Variants in EARS2 observed in about 807,000 individuals in gnomAD.
EARS2 encodes nondiscriminating glutamyl-tRNA synthetase EARS2, mitochondrial.
EARS2 carries 50 observed loss-of-function variants against 54.1 expected under a neutral mutation model. The observed-to-expected ratio is 0.92, with a 90% confidence interval of 0.74 to 1.17. The LOEUF (loss-of-function observed/expected upper bound fraction) is 1.17, where lower values mean the gene tolerates loss of function less well. EARS2 is among the 50% of genes most tolerant of loss of function. The probability of loss-of-function intolerance (pLI) is 0.00; values close to 1 mark genes in which losing one functional copy is unlikely to be tolerated. For missense variants in EARS2, 673 were observed against 675.0 expected (o/e 1.00, Z 0.03); for synonymous variants, 298 against 281.0 (o/e 1.06, Z -0.61).
At chr16:23,547,430 G>A (rs1557686) in intron 2 of EARS2, among the ~76,000 whole-genome samples, 130,321 of 152,190 alleles carry the variant, frequency 0.86, 55,985 homozygotes, top group Middle Eastern at 0.91. Flanking sequence ...TGACGGTTGC[G>A]CAACACAGTA....
intron 3 of EARS2, among the ~76,000 whole-genome samples, chr16:23,538,927 T>G (rs1057124825): frequency 1.3e-5 from 2 of 151,396 alleles, no homozygotes; most frequent in African/African-American, 4.9e-5. Context: ...CCACCTAATG[T>G]AAAATAAAAC....
intron 4 of EARS2, among the ~76,000 whole-genome samples, chr16:23,533,388 T>C (rs912988210): frequency 9.2e-5 from 14 of 152,172 alleles, no homozygotes; most frequent in Admixed American, 4.6e-4. Context: ...ATGATCCTCC[T>C]GCACTGGCCT....
At chr16:23,556,982 G>T (rs1331995225) in intron 1 of EARS2, 1 of 737,994 alleles carries the variant, frequency 1.4e-6, no homozygotes, top group African/African-American at 1.7e-5. Flanking sequence ...AAAAAAGATC[G>T]AAAGAGATGG....
In EARS2 at chr16:23,529,740, A is replaced by C; in HGVS notation, c.1221+4T>G. 1.9e-6 allele frequency: 3 copies of C among 1,614,106 alleles called. No homozygotes were observed. Among genetic ancestry groups the C allele is most frequent in the Non-Finnish European group, 2.5e-6 (3 of 1,180,010 alleles). On this transcript the variant is annotated splice_donor_region_variant and intron_variant, in intron 6 of 8. Transcript: ENST00000449606. ...CTCAGCTTCCCAGAATCCTGACACC[A>C]CACCTGTCTCAGCAGGAGGATCCTC...
In EARS2 at chr16:23,544,526, T is replaced by C. The variant is rs746259694; in HGVS notation, c.473A>G (p.His158Arg). The change falls in exon 3 of 9, where the codon CAC becomes CGC. Residue 158 changes from histidine to arginine, a missense_variant. His to Arg is a conservative substitution (Grantham distance 29, BLOSUM62 0). This residue lies in a region of EARS2 where 316 missense variants were observed against 275.2 expected (regional missense o/e 1.15). Coordinates refer to ENST00000449606, the MANE Select transcript of EARS2 (RefSeq NM_001083614.2). ...ELLKKEALRN[H>R]QTPRYDNRCR... is the part of the protein sequence containing the mutation. The stretch of plus-strand genomic sequence containing the variant: ...CTGAGGTTCTTACCGGGGCGTCTGG[T>C]GGTTCCGCAAGGCCTCCTTCTTCAG... 2 of 1,613,714 alleles carry C rather than the reference T, an allele frequency of 1.2e-6. No homozygotes were observed. Among genetic ancestry groups the C allele is most frequent in the Non-Finnish European group, 1.7e-6 (2 of 1,179,752 alleles).
chr16:23,528,899 G>C (rs1965274670), intron 7 of EARS2, among the ~76,000 whole-genome samples: 1 of 152,178 alleles, frequency 6.6e-6, no homozygotes, highest in Admixed American at 6.5e-5. Flanking sequence ...TCTTTTGTCT[G>C]GTAGAGAGTC....
chr16:23,524,943 C>A, intron 8 of EARS2: 2 of 564,330 alleles, frequency 3.5e-6, no homozygotes, highest in Non-Finnish European at 6.2e-6. Context: ...CCGTGCCTGG[C>A]CTGATTTTCC....
intron 4 of EARS2, among the ~76,000 whole-genome samples, chr16:23,534,288 G>A (rs1161608423): frequency 1.3e-5 from 2 of 152,198 alleles, no homozygotes; most frequent in Non-Finnish European, 2.9e-5. Flanking sequence ...AATGAAATGA[G>A]ACCAGCAGGC....
At chr16:23,531,638 C>T (rs1465326059) in intron 5 of EARS2, among the ~76,000 whole-genome samples, 2 of 152,170 alleles carry the variant, frequency 1.3e-5, no homozygotes, top group South Asian at 2.1e-4. Flanking sequence ...CAACTGACCT[C>T]ATAGGTCTGA....
intron 2 of EARS2, among the ~76,000 whole-genome samples, chr16:23,548,462 A>AC (rs1287619794): frequency 6.6e-6 from 1 of 152,044 alleles, no homozygotes; most frequent in African/African-American, 2.4e-5. Context: ...GGGACCCGCC[A>AC]CCATCACCGT....
At chr16:23,550,553 T>C (rs1965678519) in intron 2 of EARS2, among the ~76,000 whole-genome samples, 1 of 147,042 alleles carries the variant, frequency 6.8e-6, no homozygotes, top group Non-Finnish European at 1.5e-5. Context: ...TTCTCCTGCC[T>C]CAGCCTCCTG....
rs1268738315 is a variant in EARS2, at chr16:23,532,843, C to T, written c.959-78G>A. 22 of 1,024,762 alleles carry T rather than the reference C, an allele frequency of 2.1e-5. No homozygotes were observed. In the South Asian group the frequency reaches 3.3e-4, roughly 15 times the overall value. 63.5% of individuals were successfully genotyped at this position (1,024,762 alleles called of 1,614,324 possible). ...CACTTTATCTCTTTTTTTTAAGAGACAGGATCTTGCTCTGCTGCCCAGGTT... is the reference window on the plus strand; with the variant it reads ...CACTTTATCTCTTTTTTTTAAGAGATAGGATCTTGCTCTGCTGCCCAGGTT... On this transcript the variant is annotated intron_variant, in intron 4 of 8. Coordinates refer to ENST00000449606, the MANE Select transcript of EARS2 (RefSeq NM_001083614.2).
chr16:23,549,200 C>A (rs942975243), intron 2 of EARS2, among the ~76,000 whole-genome samples: 1 of 152,178 alleles, frequency 6.6e-6, no homozygotes, highest in Non-Finnish European at 1.5e-5. Flanking sequence ...GCTGGGGACT[C>A]AGATCTCAGG....
chr16:23,528,750 A>C (rs919560958), intron 7 of EARS2, among the ~76,000 whole-genome samples: 6 of 152,200 alleles, frequency 3.9e-5, no homozygotes, highest in African/African-American at 1.4e-4. Context: ...AAAATAAAAA[A>C]ATTAGTTGGG....
At chr16:23,534,837 C>A (rs773309672) in intron 4 of EARS2, 51 bp downstream of exon 4, 17 of 1,469,386 alleles carry the variant, frequency 1.2e-5, no homozygotes, top group Non-Finnish European at 1.6e-5. Context: ...CAAAGCCCTG[C>A]TCCTCCTGGC....
intron 7 of EARS2, among the ~76,000 whole-genome samples, chr16:23,526,175 C>T (rs994169639): frequency 2.8e-5 from 4 of 143,530 alleles, no homozygotes; most frequent in Non-Finnish European, 6.0e-5. Flanking sequence ...TGCAATGGCA[C>T]GATCTCAGCT....
chr16:23,546,506 T>C (rs1193517994), intron 2 of EARS2: 3 of 450,946 alleles, frequency 6.7e-6, no homozygotes, highest in South Asian at 3.1e-5. Flanking sequence ...ATGATCTAAG[T>C]AAAGTACTCA....
At chr16:23,541,063 C>A (rs2142179693) in intron 3 of EARS2, among the ~76,000 whole-genome samples, 1 of 152,000 alleles carries the variant, frequency 6.6e-6, no homozygotes. Context: ...GCCTGTAATC[C>A]CAGCACTTTG....
At chr16:23,537,661 T>C (rs888896844) in intron 3 of EARS2, 1 of 152,194 alleles carries the variant, frequency 6.6e-6, no homozygotes, top group Non-Finnish European at 1.5e-5. Flanking sequence ...CAGTCTTGAC[T>C]TCCTGGGCTC....
Sources: allele counts gnomAD v4.1 joint callset (sites outside exome capture counted in the v4.1 genomes callset), GRCh38; gene constraint gnomAD v4.1.1; regional missense constraint gnomAD v4.1.1; transcripts MANE v1.5; gene names NCBI Gene and HGNC (gene_info 2026-07-23, HGNC 2026-07-21).